The following KCNIP4 variants were observed in gnomAD, a reference collection of about 807,000 sequenced individuals.
KCNIP4 encodes the protein potassium voltage-gated channel interacting protein 4.
In KCNIP4, 12 loss-of-function variants were observed where a neutral mutation model predicts 34.0. The ratio of observed to expected loss-of-function variants is 0.35; its 90% CI spans 0.23 to 0.57. The LOEUF is 0.57. Ranked by LOEUF, KCNIP4 falls within the 20% of genes least tolerant of loss-of-function variation. The pLI is 0.83. For synonymous variants in KCNIP4, 124 were observed against 102.2 expected, an observed-to-expected ratio of 1.21 and a Z score of -1.29; for missense variants, 238 against 311.7, an observed-to-expected ratio of 0.76 and a Z score of 1.78.
At chr4:21,868,241 T>C (rs961131816) in intron 1 of KCNIP4, among the ~76,000 whole-genome samples, 2 of 152,178 alleles carry the variant, frequency 1.3e-5, no homozygotes, top group Admixed American at 6.5e-5. Context: ...AGTTTAGGGC[T>C]TGAGAACAAT....
intron 2 of KCNIP4, among the ~76,000 whole-genome samples, chr4:20,876,111 T>A (rs530856256): frequency 6.6e-6 from 1 of 152,342 alleles, no homozygotes; most frequent in East Asian, 1.9e-4. Flanking sequence ...TTTGATTGAA[T>A]GAGGGCACTG....
chr4:21,795,103 G>A (rs111632194), intron 1 of KCNIP4, among the ~76,000 whole-genome samples: 103 of 152,194 alleles, frequency 6.8e-4, no homozygotes, highest in African/African-American at 2.3e-3. Flanking sequence ...GATTGTATTC[G>A]GAGACAGGGC....
At chr4:20,779,106 G>A (rs971243819) in intron 3 of KCNIP4, among the ~76,000 whole-genome samples, 11 of 152,190 alleles carry the variant, frequency 7.2e-5, no homozygotes, top group African/African-American at 2.4e-4. Context: ...CTTTTATACA[G>A]GAAGAATAAG....
intron 3 of KCNIP4, among the ~76,000 whole-genome samples, chr4:20,813,189 C>G (rs1001943925): frequency 1.3e-5 from 2 of 151,904 alleles, no homozygotes; most frequent in African/African-American, 4.8e-5. Flanking sequence ...TGGCAGGAAG[C>G]TAATGAAATA....
At chr4:20,788,607 G>A (rs1251343221) in intron 3 of KCNIP4, among the ~76,000 whole-genome samples, 2 of 152,168 alleles carry the variant, frequency 1.3e-5, no homozygotes, top group South Asian at 2.1e-4. Context: ...AATAATAAAT[G>A]GTTATAAATA....
intron 1 of KCNIP4, among the ~76,000 whole-genome samples, chr4:21,447,423 G>A (rs1728127982): frequency 6.6e-6 from 1 of 152,130 alleles, no homozygotes; most frequent in Admixed American, 6.5e-5. Flanking sequence ...AGAATTGTGA[G>A]AGAATAAATT....
At chr4:20,821,820 T>G (rs897901657) in intron 3 of KCNIP4, among the ~76,000 whole-genome samples, 2 of 152,144 alleles carry the variant, frequency 1.3e-5, no homozygotes, top group East Asian at 1.9e-4. Context: ...TTCATTCCAT[T>G]TTAGGGCTGA....
intron 1 of KCNIP4, among the ~76,000 whole-genome samples, chr4:21,363,195 T>C (rs1180274198): frequency 1.3e-5 from 2 of 152,172 alleles, no homozygotes; most frequent in Non-Finnish European, 2.9e-5. Context: ...ACATTCTCTC[T>C]TCTTGTCCTT....
intron 1 of KCNIP4, among the ~76,000 whole-genome samples, chr4:21,440,652 A>G (rs771767841): frequency 2.1e-5 from 3 of 142,982 alleles, no homozygotes; most frequent in Non-Finnish European, 4.8e-5. Context: ...GTATTAACAC[A>G]TCTGCTATTT....
chr4:21,399,185 T>C (rs1723257471), intron 1 of KCNIP4, among the ~76,000 whole-genome samples: 1 of 152,224 alleles, frequency 6.6e-6, no homozygotes, highest in African/African-American at 2.4e-5. Context: ...GGTTGAGGCA[T>C]GTGGCTCAGA....
At chr4:21,467,119 A>ACAC (rs1560434385) in intron 1 of KCNIP4, among the ~76,000 whole-genome samples, 92 of 79,806 alleles carry the variant, frequency 1.2e-3, no homozygotes, top group Non-Finnish European at 2.0e-3. Context: ...CACACACACA[A>ACAC]AACAGAACAT....
At chr4:21,829,104 G>A (rs186369172) in intron 1 of KCNIP4, among the ~76,000 whole-genome samples, 77 of 151,662 alleles carry the variant, frequency 5.1e-4, no homozygotes, top group Middle Eastern at 3.4e-3. Context: ...CCCAACTTAC[G>A]ATGGTTTGAC....
chr4:21,528,759 GAA>G lies in KCNIP4; in HGVS notation c.61+419810_61+419811del, dbSNP rs1400053098. Among the ~76,000 whole-genome samples, 2 of 9,670 alleles carry G rather than the reference GAA, an allele frequency of 2.1e-4. 1 individual carries two copies. The highest frequency in any genetic ancestry group is 3.8e-4 in the Non-Finnish European group (2 of 5,210). 6.3% of individuals were successfully genotyped at this position (9,670 alleles called of 152,430 possible). A position where few individuals can be genotyped will look rare whatever the true frequency, so the allele number is the denominator to read the frequency against. Reference sequence around the variant, plus strand: ...AGAAAGAAAGAAAGAAAGAAAGAAAGAAAGAAAGAAAGAAAGAAAGGAAGAAA... The same window carrying G: ...AGAAAGAAAGAAAGAAAGAAAGAAAGAGAAAGAAAGAAAGAAAGGAAGAAA... On this transcript the variant is annotated intron_variant, in intron 1 of 8. Coordinates refer to ENST00000382152, the MANE Select transcript of KCNIP4 (RefSeq NM_025221.6).
intron 1 of KCNIP4, among the ~76,000 whole-genome samples, chr4:21,028,157 C>T (rs1740707992): frequency 6.6e-6 from 1 of 152,014 alleles, no homozygotes; most frequent in Non-Finnish European, 1.5e-5. Context: ...CAGAACCTCA[C>T]CATCTCTCCC....
intron 1 of KCNIP4, among the ~76,000 whole-genome samples, chr4:20,928,167 C>T (rs1176482534): frequency 1.3e-5 from 2 of 151,496 alleles, no homozygotes; most frequent in Non-Finnish European, 2.9e-5. Flanking sequence ...TACGTATAAT[C>T]TATAAATTAT....
intron 1 of KCNIP4, among the ~76,000 whole-genome samples, chr4:21,247,946 T>C (rs947935237): frequency 2.3e-5 from 3 of 132,838 alleles, no homozygotes; most frequent in African/African-American, 8.9e-5. Context: ...CATATATATA[T>C]ACACACACAT....
At chr4:21,382,531 G>C (rs1487633213) in intron 1 of KCNIP4, among the ~76,000 whole-genome samples, 1 of 152,138 alleles carries the variant, frequency 6.6e-6, no homozygotes, top group East Asian at 1.9e-4. Context: ...GTAGCTATAA[G>C]AGTATCTGCT....
rs1222731436 is a variant in KCNIP4, at chr4:21,875,242, AT to A, written c.61+73328del. 7.9e-5 allele frequency among the ~76,000 whole-genome samples: 12 copies of A among 152,266 alleles called. No individual in the cohort carries two copies. The South Asian group carries it at 2.5e-3, about 32-fold the overall frequency. On this transcript the variant is annotated intron_variant, in intron 1 of 8. Coordinates refer to ENST00000382152, the MANE Select transcript of KCNIP4 (RefSeq NM_025221.6). ...TTCATGCCCTTTCCCACTATTTGAGATCATCACTCATAATGGACACCATGAC... is the reference window on the plus strand; with the variant it reads ...TTCATGCCCTTTCCCACTATTTGAGACATCACTCATAATGGACACCATGAC...
At chr4:21,810,863 C>T (rs542003922) in intron 1 of KCNIP4, among the ~76,000 whole-genome samples, 44 of 152,252 alleles carry the variant, frequency 2.9e-4, no homozygotes, top group African/African-American at 1.0e-3. Flanking sequence ...GACAAAAAAA[C>T]TCTTGAGTAA....
Sources: allele counts gnomAD v4.1 joint callset (sites outside exome capture counted in the v4.1 genomes callset), GRCh38; gene constraint gnomAD v4.1.1; transcripts MANE v1.5; gene names NCBI Gene and HGNC (gene_info 2026-07-23, HGNC 2026-07-21).